Variants in MBOAT1 observed in about 807,000 individuals in gnomAD.
MBOAT1 encodes membrane bound glycerophospholipid O-acyltransferase 1.
In MBOAT1, 67 loss-of-function variants were observed where a neutral mutation model predicts 64.4. That is an observed-to-expected ratio of 1.04 (90% CI 0.85 to 1.27). The LOEUF is 1.27. Ranked by LOEUF, MBOAT1 falls within the 50% of genes most tolerant of loss-of-function variation. The pLI, the probability that MBOAT1 is intolerant of heterozygous loss-of-function variation, is 0.00. For missense variants in MBOAT1, 563 were observed against 604.6 expected (o/e 0.93, Z 0.72); for synonymous variants, 229 against 218.9 (o/e 1.05, Z -0.41).
chr6:20,205,563 T>C (rs1763237470), intron 1 of MBOAT1, among the ~76,000 whole-genome samples: 1 of 152,152 alleles, frequency 6.6e-6, no homozygotes, highest in African/African-American at 2.4e-5. Flanking sequence ...CAGCAGTCTC[T>C]GGTAGGCCAG....
intron 1 of MBOAT1, among the ~76,000 whole-genome samples, chr6:20,165,812 C>A (rs921979634): frequency 6.6e-6 from 1 of 151,698 alleles, no homozygotes; most frequent in Non-Finnish European, 1.5e-5. Context: ...GCTAATTAAC[C>A]CAACATCCTA....
intron 9 of MBOAT1, among the ~76,000 whole-genome samples, chr6:20,117,384 T>C (rs1760357500): frequency 6.6e-6 from 1 of 152,206 alleles, no homozygotes; most frequent in Non-Finnish European, 1.5e-5. Flanking sequence ...AGTGGCATGC[T>C]TCTATTTCTT....
At chr6:20,133,363 G>C (rs983281950) in intron 4 of MBOAT1, among the ~76,000 whole-genome samples, 1 of 152,046 alleles carries the variant, frequency 6.6e-6, no homozygotes, top group African/African-American at 2.4e-5. Flanking sequence ...TAGTAATAAG[G>C]GCTACATTAA....
At chr6:20,187,129 C>T (rs1429261617) in intron 1 of MBOAT1, among the ~76,000 whole-genome samples, 1 of 152,180 alleles carries the variant, frequency 6.6e-6, no homozygotes, top group African/African-American at 2.4e-5. Flanking sequence ...TGTTTAAACG[C>T]CGACCAACAA....
intron 1 of MBOAT1, among the ~76,000 whole-genome samples, chr6:20,176,563 C>G (rs2113733893): frequency 6.6e-6 from 1 of 152,210 alleles, no homozygotes; most frequent in African/African-American, 2.4e-5. Flanking sequence ...GATAACAGTG[C>G]TGGCAAAGGA....
intron 1 of MBOAT1, among the ~76,000 whole-genome samples, chr6:20,159,722 A>G (rs1761793253): frequency 6.6e-6 from 1 of 152,236 alleles, no homozygotes; most frequent in Non-Finnish European, 1.5e-5. Flanking sequence ...TGATCCTTCC[A>G]CAATATACAT....
intron 1 of MBOAT1, among the ~76,000 whole-genome samples, chr6:20,201,583 A>AT (rs56306528): frequency 0.22 from 30,929 of 143,116 alleles, 3,392 homozygotes; most frequent in African/African-American, 0.27. Context: ...CAGATAAGTG[A>AT]TTTTTTTTTT....
chr6:20,177,615 A>C (rs1263890914), intron 1 of MBOAT1, among the ~76,000 whole-genome samples: 2 of 152,078 alleles, frequency 1.3e-5, no homozygotes, highest in East Asian at 3.9e-4. Flanking sequence ...CTACTAAAAA[A>C]TACAAAAAAT....
intron 1 of MBOAT1, among the ~76,000 whole-genome samples, chr6:20,177,987 G>A (rs1331625515): frequency 6.6e-6 from 1 of 152,104 alleles, no homozygotes; most frequent in Non-Finnish European, 1.5e-5. Context: ...TAACTGGGGA[G>A]ACTCCCTGGC....
chr6:20,190,745 C>T (rs1010463123), intron 1 of MBOAT1, among the ~76,000 whole-genome samples: 4 of 152,052 alleles, frequency 2.6e-5, no homozygotes, highest in Non-Finnish European at 4.4e-5. Flanking sequence ...AAACAAGAAT[C>T]GTAGACGATT....
chr6:20,188,577 G>C (rs1255595357), intron 1 of MBOAT1, among the ~76,000 whole-genome samples: 1 of 152,002 alleles, frequency 6.6e-6, no homozygotes, highest in East Asian at 1.9e-4. Flanking sequence ...GCCCAGAAGA[G>C]GGTTGCCATT....
chr6:20,191,604 T>C (rs776742992), intron 1 of MBOAT1, among the ~76,000 whole-genome samples: 4 of 152,180 alleles, frequency 2.6e-5, no homozygotes, highest in African/African-American at 7.2e-5. Flanking sequence ...TGGACCACTA[T>C]GGCCACCTGC....
chr6:20,151,401 A>G (rs1237244794), intron 2 of MBOAT1, 139 bp from the exon 3 acceptor site: 4 of 581,702 alleles, frequency 6.9e-6, no homozygotes, highest in Non-Finnish European at 1.2e-5. Context: ...TGTTTATGTG[A>G]GAGAAAATAA....
At chr6:20,120,350 C>CTAT (rs975699327) in intron 8 of MBOAT1, among the ~76,000 whole-genome samples, 3 of 151,754 alleles carry the variant, frequency 2.0e-5, no homozygotes, top group Admixed American at 6.6e-5. Flanking sequence ...GAAAGGTTAG[C>CTAT]TATTATTATT....
Position 20,151,224 on chromosome 6 carries a change from T to C in MBOAT1, c.284A>G (p.Tyr95Cys), listed in dbSNP as rs758666550. Residue 95 changes from tyrosine to cysteine, a missense_variant, in exon 3 of 13, where the codon TAT becomes TGT. Coordinates refer to ENST00000324607, the MANE Select transcript of MBOAT1 (RefSeq NM_001080480.3). Reference sequence around the variant, plus strand: ...TACACTAGCAGTGACCATGATTGCATAGCACATTAACACCAGCACAAAAAG... The same window carrying C: ...TACACTAGCAGTGACCATGATTGCACAGCACATTAACACCAGCACAAAAAG... ...VHLFVLVLMC[Y>C]AIMVTASVSN... The C allele has an allele frequency of 2.0e-5, 33 of 1,613,410 alleles. No homozygotes were observed. Among genetic ancestry groups the C allele is most frequent in the Non-Finnish European group, 5.9e-6 (7 of 1,179,648 alleles).
At position 20,103,732 on chromosome 6, in the gene MBOAT1, G is replaced by A. The variant is rs147310865; in HGVS notation, c.1362-1320C>T. Reference sequence around the variant, plus strand: ...ATGAGCCACCATGCCCGGCCACCATGTTTGTTTTAACCAAAGTGTTTTATT... The same window carrying A: ...ATGAGCCACCATGCCCGGCCACCATATTTGTTTTAACCAAAGTGTTTTATT... On this transcript the variant is annotated intron_variant, in intron 12 of 12. Coordinates refer to ENST00000324607, the MANE Select transcript of MBOAT1 (RefSeq NM_001080480.3). Among the ~76,000 whole-genome samples the A allele has an allele frequency of 3.6e-3, 553 of 152,256 alleles. 3 individuals are homozygous for A. The highest frequency in any genetic ancestry group is 4.8e-3 in the Non-Finnish European group (329 of 68,026).
intron 9 of MBOAT1, among the ~76,000 whole-genome samples, chr6:20,117,150 C>T (rs932010857): frequency 6.6e-6 from 1 of 152,178 alleles, no homozygotes; most frequent in African/African-American, 2.4e-5. Flanking sequence ...ATAGTAAAAA[C>T]ATTATTTGTT....
At position 20,121,463 on chromosome 6, in the gene MBOAT1, G is replaced by C. The variant is rs78947343; in HGVS notation, c.908-2923C>G. ...AAAGACAAAGAAAAGGGAAGCATGG[G>C]GGGGAGTAAAAGAGCTAAGTCCACA... On this transcript the variant is annotated intron_variant, in intron 8 of 12. Coordinates refer to ENST00000324607, the MANE Select transcript of MBOAT1 (RefSeq NM_001080480.3). Among the ~76,000 whole-genome samples the C allele has an allele frequency of 5.3e-4, 81 of 152,332 alleles. No individual in the cohort carries two copies. In the East Asian group the frequency reaches 0.011, roughly 21 times the overall value.
chr6:20,144,968 TC>T, intron 3 of MBOAT1, among the ~76,000 whole-genome samples: 1 of 152,132 alleles, frequency 6.6e-6, no homozygotes, highest in East Asian at 1.9e-4. Flanking sequence ...AGAGATGTGT[TC>T]CTGACTGCCT....
Sources: allele counts gnomAD v4.1 joint callset (sites outside exome capture counted in the v4.1 genomes callset), GRCh38; gene constraint gnomAD v4.1.1; transcripts MANE v1.5; gene names NCBI Gene and HGNC (gene_info 2026-07-23, HGNC 2026-07-21).